The following VPS13B variants were observed in gnomAD, a reference collection of about 807,000 sequenced individuals.
The protein encoded by VPS13B is vacuolar protein sorting 13 homolog B.
Under a neutral mutation model 426.4 loss-of-function variants are expected in VPS13B, and 285 were observed. The ratio of observed to expected loss-of-function variants is 0.67; its 90% confidence interval spans 0.61 to 0.74. VPS13B has a LOEUF of 0.74. Ranked by LOEUF, VPS13B falls within the 30% of genes least tolerant of loss-of-function variation. The pLI is 0.00. For synonymous variants in VPS13B, 1,676 were observed against 1,676.4 expected, an observed-to-expected ratio of 1.00 and a Z score of 0.01; for missense variants, 4,537 against 4,782.6, an observed-to-expected ratio of 0.95 and a Z score of 1.51.
intron 6 of VPS13B, among the ~76,000 whole-genome samples, chr8:99,113,812 C>T (rs1221758506): frequency 6.6e-6 from 1 of 152,192 alleles, no homozygotes; most frequent in Non-Finnish European, 1.5e-5. Flanking sequence ...ATCCGCCTGG[C>T]TCAGCCTCCC....
chr8:99,226,092 C>T (rs955850953), intron 17 of VPS13B, among the ~76,000 whole-genome samples: 6 of 151,966 alleles, frequency 3.9e-5, no homozygotes, highest in East Asian at 1.9e-4. Context: ...CTACAGGTGC[C>T]CGCCACCATG....
At chr8:99,136,550 C>G (rs1340954781) in intron 11 of VPS13B, 115 bp from the exon 12 acceptor site, 3 of 1,021,174 alleles carry the variant, frequency 2.9e-6, no homozygotes, top group Non-Finnish European at 4.6e-6. Context: ...TTCTTTTGGT[C>G]ATCCTTTGTG....
intron 19 of VPS13B, chr8:99,340,422 A>G: frequency 2.1e-6 from 1 of 475,770 alleles, no homozygotes; most frequent in South Asian, 1.7e-5. Flanking sequence ...AGAAAAGATC[A>G]AAGTGTTTCA....
intron 19 of VPS13B, among the ~76,000 whole-genome samples, chr8:99,307,863 T>C (rs1820726920): frequency 6.6e-6 from 1 of 152,140 alleles, no homozygotes; most frequent in African/African-American, 2.4e-5. Context: ...TTGAAATCTT[T>C]CTACTTTTTT....
intron 17 of VPS13B, among the ~76,000 whole-genome samples, chr8:99,212,878 A>T (rs6988226): frequency 0.72 from 110,105 of 152,020 alleles, 40,531 homozygotes; most frequent in Middle Eastern, 0.83. Context: ...TCTTAACCAT[A>T]TCAACCCCAT....
chr8:99,779,058 G>T (rs766736550), intron 42 of VPS13B, 27 bp downstream of exon 42: 2 of 1,598,462 alleles, frequency 1.3e-6, no homozygotes, highest in African/African-American at 1.3e-5. Context: ...ACAGTTTACA[G>T]TTTGGCCACA....
chr8:99,554,772 A>G (rs1056329754), intron 30 of VPS13B, among the ~76,000 whole-genome samples: 1 of 152,068 alleles, frequency 6.6e-6, no homozygotes, highest in African/African-American at 2.4e-5. Flanking sequence ...ATGAAACTAG[A>G]ACATTCTTCT....
chr8:99,644,427 A>G (rs1829494915), intron 34 of VPS13B, among the ~76,000 whole-genome samples: 1 of 152,220 alleles, frequency 6.6e-6, no homozygotes, highest in Non-Finnish European at 1.5e-5. Flanking sequence ...AAAGATAGGC[A>G]TTTGAATTAT....
chr8:99,642,559 T>C, intron 34 of VPS13B, 61 bp downstream of exon 34: 1 of 1,430,138 alleles, frequency 7.0e-7, no homozygotes. Flanking sequence ...TGTATTCCCA[T>C]AGTTTCCAGA....
intron 21 of VPS13B, among the ~76,000 whole-genome samples, chr8:99,415,018 T>C (rs1815916800): frequency 6.6e-6 from 1 of 152,178 alleles, no homozygotes; most frequent in Non-Finnish European, 1.5e-5. Context: ...CTTGGTTCCA[T>C]TTTCCAGGTC....
At chr8:99,846,858 A>C (rs1816010714) in intron 54 of VPS13B, among the ~76,000 whole-genome samples, 2 of 152,340 alleles carry the variant, frequency 1.3e-5, no homozygotes, top group African/African-American at 4.8e-5. Context: ...ATATTTCTCT[A>C]TTCGCATCCC....
chr8:99,855,639 G>A (rs1193276799), intron 56 of VPS13B, among the ~76,000 whole-genome samples: 1 of 152,192 alleles, frequency 6.6e-6, no homozygotes, highest in Non-Finnish European at 1.5e-5. Context: ...GTTGTACTTT[G>A]TGAATGCGTT....
chr8:99,611,788 C>T (rs975831363), intron 33 of VPS13B, among the ~76,000 whole-genome samples: 10 of 151,924 alleles, frequency 6.6e-5, no homozygotes, highest in Non-Finnish European at 1.5e-4. Context: ...ACATTGTTTT[C>T]TTTCCAGAAA....
intron 17 of VPS13B, among the ~76,000 whole-genome samples, chr8:99,228,588 A>G (rs548572413): frequency 5.3e-4 from 81 of 152,100 alleles, no homozygotes; most frequent in Non-Finnish European, 7.6e-4. Flanking sequence ...TAGTTATCCA[A>G]TCTCACAGAT....
In VPS13B at chr8:99,690,247, C is replaced by T. The variant is rs1563864679; in HGVS notation, c.6047-9278C>T. ...TGTTGCTGACATAACTAGATATCCA[C>T]ACATAAAAGAATGAAGTTGAACCCC... On this transcript the variant is annotated intron_variant, in intron 35 of 61. Coordinates refer to ENST00000357162, the MANE Select transcript of VPS13B (RefSeq NM_152564.5). Among the ~76,000 whole-genome samples the T allele has an allele frequency of 1.3e-5, 2 of 152,220 alleles. 1 individual carries two copies. The highest frequency in any genetic ancestry group is 4.1e-4 in the South Asian group (2 of 4,828).
chr8:99,762,295 G>A (rs1810973714), intron 39 of VPS13B, among the ~76,000 whole-genome samples: 1 of 151,956 alleles, frequency 6.6e-6, no homozygotes, highest in South Asian at 2.1e-4. Context: ...CAAAGTGCTG[G>A]GATTATAGGA....
intron 12 of VPS13B, among the ~76,000 whole-genome samples, chr8:99,138,015 A>G (rs1810169310): frequency 6.6e-6 from 1 of 152,292 alleles, no homozygotes; most frequent in African/African-American, 2.4e-5. Flanking sequence ...CCTGGGAGTC[A>G]TCATGACACA....
chr8:99,621,734 A>G (rs1446417337), intron 33 of VPS13B, among the ~76,000 whole-genome samples: 1 of 152,040 alleles, frequency 6.6e-6, no homozygotes, highest in Non-Finnish European at 1.5e-5. Context: ...AAAACTTATC[A>G]GGAGTTTTTT....
chr8:99,210,378 G>C (rs1054124898), intron 17 of VPS13B, among the ~76,000 whole-genome samples: 1 of 151,906 alleles, frequency 6.6e-6, no homozygotes, highest in Non-Finnish European at 1.5e-5. Flanking sequence ...GTTCCTTTGG[G>C]GTGTACTTCT....
Sources: gnomAD v4.1 joint callset for allele counts (sites outside exome capture counted in the v4.1 genomes callset) on GRCh38, gnomAD v4.1.1 for gene constraint, MANE v1.5 for transcripts, NCBI Gene and HGNC (gene_info 2026-07-23, HGNC 2026-07-21) for gene names.